The following NTNG1 variants were observed in gnomAD, a reference collection of about 807,000 sequenced individuals.
NTNG1 encodes the protein netrin G1, also known as netrin-G1.
A neutral mutation model predicts 54.0 loss-of-function variants in NTNG1; 16 were observed. That is an observed-to-expected ratio of 0.30 (90% confidence interval 0.20 to 0.45). The LOEUF is 0.45. Among genes scored for constraint, NTNG1 ranks in the 20% least tolerant of loss-of-function variants. NTNG1 has a pLI of 1.00. For synonymous variants in NTNG1, 255 were observed against 263.1 expected, an observed-to-expected ratio of 0.97 and a Z score of 0.30; for missense variants, 530 against 678.7, an observed-to-expected ratio of 0.78 and a Z score of 2.43.
chr1:107,369,737 G>A (rs1431169270), intron 3 of NTNG1, among the ~76,000 whole-genome samples: 1 of 152,058 alleles, frequency 6.6e-6, no homozygotes, highest in Admixed American at 6.5e-5. Flanking sequence ...GTCTTTTGAA[G>A]AGTAGAAGTT....
intron 7 of NTNG1, among the ~76,000 whole-genome samples, chr1:107,478,640 C>T (rs1036039370): frequency 1.3e-5 from 2 of 152,158 alleles, no homozygotes; most frequent in African/African-American, 4.8e-5. Context: ...ATTTCCCTAC[C>T]TCTAGTGCCC....
intron 2 of NTNG1, among the ~76,000 whole-genome samples, chr1:107,317,808 C>T (rs946914353): frequency 3.9e-5 from 6 of 152,198 alleles, no homozygotes; most frequent in Non-Finnish European, 5.9e-5. Context: ...CAACTTCAAT[C>T]AGGCCCTAAG....
intron 3 of NTNG1, among the ~76,000 whole-genome samples, chr1:107,366,432 GAC>G (rs1202502415): frequency 6.6e-6 from 1 of 152,158 alleles, no homozygotes; most frequent in African/African-American, 2.4e-5. Context: ...AGTTTGTTGT[GAC>G]ACATTCTCTC....
intron 5 of NTNG1, among the ~76,000 whole-genome samples, chr1:107,427,390 A>C (rs1456037748): frequency 2.0e-5 from 3 of 152,088 alleles, no homozygotes; most frequent in Admixed American, 6.6e-5. Flanking sequence ...AATAATTATT[A>C]AACTATTAAT....
chr1:107,243,956 G>T (rs1014331077), intron 2 of NTNG1, among the ~76,000 whole-genome samples: 2 of 152,148 alleles, frequency 1.3e-5, no homozygotes, highest in Non-Finnish European at 1.5e-5. Context: ...AATGTTAGGA[G>T]ATTTTGTTTT....
At chr1:107,279,298 G>T (rs1557864808) in intron 2 of NTNG1, among the ~76,000 whole-genome samples, 1 of 151,960 alleles carries the variant, frequency 6.6e-6, no homozygotes, top group Admixed American at 6.6e-5. Flanking sequence ...ATTGACAATG[G>T]AATGTATGTT....
intron 5 of NTNG1, among the ~76,000 whole-genome samples, chr1:107,410,830 C>T (rs1673750955): frequency 6.6e-6 from 1 of 152,124 alleles, no homozygotes; most frequent in South Asian, 2.1e-4. Flanking sequence ...CAAATGATTA[C>T]ACAAATTATG....
At chr1:107,206,013 T>C (rs1420851110) in intron 2 of NTNG1, among the ~76,000 whole-genome samples, 3 of 152,176 alleles carry the variant, frequency 2.0e-5, no homozygotes, top group African/African-American at 7.2e-5. Flanking sequence ...ACAATTTATC[T>C]GTCCATTCTA....
chr1:107,174,641 T>C (rs1217290981), intron 2 of NTNG1, among the ~76,000 whole-genome samples: 1 of 152,030 alleles, frequency 6.6e-6, no homozygotes, highest in East Asian at 1.9e-4. Flanking sequence ...AGTTCACCTC[T>C]TAGAGCAAGG....
At chr1:107,228,366 G>GTA (rs1187231567) in intron 2 of NTNG1, among the ~76,000 whole-genome samples, 1 of 152,078 alleles carries the variant, frequency 6.6e-6, no homozygotes, top group African/African-American at 2.4e-5. Context: ...ACTATGAAGT[G>GTA]TATATATATA....
chr1:107,143,136 C>G (rs1394002705), intron 1 of NTNG1: 1 of 152,070 alleles, frequency 6.6e-6, no homozygotes, highest in Non-Finnish European at 1.5e-5. Flanking sequence ...TGAAGGCATT[C>G]AGGATTCTAT....
At chr1:107,427,027 A>T (rs1346581323) in intron 5 of NTNG1, among the ~76,000 whole-genome samples, 1 of 152,044 alleles carries the variant, frequency 6.6e-6, no homozygotes, top group East Asian at 1.9e-4. Context: ...TTGTACATTG[A>T]TTTTGTATCC....
chr1:107,354,419 C>T (rs938619904), intron 3 of NTNG1, among the ~76,000 whole-genome samples: 50 of 132,210 alleles, frequency 3.8e-4, no homozygotes, highest in African/African-American at 1.3e-3. Context: ...CAGTGAGCCA[C>T]GATTGTGCCA....
intron 5 of NTNG1, among the ~76,000 whole-genome samples, chr1:107,416,443 C>T (rs1364435402): frequency 6.6e-6 from 1 of 151,982 alleles, no homozygotes; most frequent in African/African-American, 2.4e-5. Context: ...AGGTGTCTAT[C>T]TTGATAAGTC....
intron 2 of NTNG1, among the ~76,000 whole-genome samples, chr1:107,158,543 G>A (rs1655169980): frequency 2.0e-5 from 3 of 152,124 alleles, no homozygotes; most frequent in Non-Finnish European, 2.9e-5. Flanking sequence ...GAGAAGTCCA[G>A]CTGCCGACAT....
intron 5 of NTNG1, among the ~76,000 whole-genome samples, chr1:107,416,491 A>G (rs1674214206): frequency 1.3e-5 from 2 of 152,070 alleles, no homozygotes; most frequent in African/African-American, 4.8e-5. Flanking sequence ...TGAAAGCAGA[A>G]TGGCCTACAT....
At chr1:107,182,974 C>A (rs556495692) in intron 2 of NTNG1, among the ~76,000 whole-genome samples, 4 of 152,244 alleles carry the variant, frequency 2.6e-5, no homozygotes, top group Admixed American at 1.3e-4. Flanking sequence ...CACATTGTAA[C>A]CAGAAACATG....
chr1:107,267,296 T>C (rs946522736), intron 2 of NTNG1, among the ~76,000 whole-genome samples: 2 of 152,200 alleles, frequency 1.3e-5, no homozygotes, highest in African/African-American at 4.8e-5. Context: ...TGACCATTAT[T>C]CAAGGAAGAG....
chr1:107,151,319 G>A (rs974487830), intron 2 of NTNG1, among the ~76,000 whole-genome samples: 1 of 152,126 alleles, frequency 6.6e-6, no homozygotes, highest in East Asian at 1.9e-4. Context: ...TTGGGAAACT[G>A]TCTCAGGATG....
Sources: allele counts gnomAD v4.1 joint callset (sites outside exome capture counted in the v4.1 genomes callset), GRCh38; gene constraint gnomAD v4.1.1; transcripts MANE v1.5; gene names NCBI Gene and HGNC (gene_info 2026-07-23, HGNC 2026-07-21).